The following DGKH variants were observed in gnomAD, a reference collection of about 807,000 sequenced individuals.
DGKH encodes diacylglycerol kinase eta, also known as DAG kinase eta.
Under a neutral mutation model 159.3 loss-of-function variants are expected in DGKH, and 90 were observed. The ratio of observed to expected loss-of-function variants is 0.57; its 90% CI spans 0.48 to 0.67. The LOEUF (loss-of-function observed/expected upper bound fraction) is 0.67. Ranked by LOEUF, DGKH falls within the 30% of genes least tolerant of loss-of-function variation. DGKH has a pLI of 0.00. For missense variants in DGKH, 1,181 were observed against 1,506.1 expected (o/e 0.78, Z 3.57); for synonymous variants, 536 against 553.8 (o/e 0.97, Z 0.45).
At chr13:42,109,565 G>A (rs890695230) in intron 1 of DGKH, among the ~76,000 whole-genome samples, 2 of 152,162 alleles carry the variant, frequency 1.3e-5, no homozygotes, top group African/African-American at 4.8e-5. Flanking sequence ...GGAATAAATG[G>A]AAGACAGGAT....
At chr13:42,132,489 G>A (rs967377647) in intron 3 of DGKH, among the ~76,000 whole-genome samples, 1 of 152,220 alleles carries the variant, frequency 6.6e-6, no homozygotes, top group Non-Finnish European at 1.5e-5. Flanking sequence ...TAGGGTTTTG[G>A]AGTAGGAAAT....
rs1957922625 is a variant in DGKH, at chr13:42,219,889, A to T, written c.3442+95A>T. On this transcript the variant is annotated intron_variant, in intron 28 of 29. Transcript: ENST00000337343. ...GGTCGTGAAAATGTTCTGGAGCTAGATGGTGGTTGAGCATTGTGCAGTATG... is the reference window on the plus strand; with the variant it reads ...GGTCGTGAAAATGTTCTGGAGCTAGTTGGTGGTTGAGCATTGTGCAGTATG... 2.7e-6 allele frequency: 3 copies of T among 1,096,802 alleles called. No homozygotes were observed. In the African/African-American group the frequency reaches 4.7e-5, roughly 17 times the overall value. The allele number at this position is 1,096,802 out of a possible 1,614,324, so 67.9% of individuals were successfully genotyped here. A position where few individuals can be genotyped will look rare whatever the true frequency, so the allele number is the denominator to read the frequency against.
intron 26 of DGKH, among the ~76,000 whole-genome samples, chr13:42,218,357 C>T (rs1957861626): frequency 6.6e-6 from 1 of 152,094 alleles, no homozygotes; most frequent in African/African-American, 2.4e-5. Flanking sequence ...ATTTTTACAA[C>T]AGTTTTTCAT....
chr13:42,076,184 GT>G (rs2137706484), intron 1 of DGKH, among the ~76,000 whole-genome samples: 1 of 152,142 alleles, frequency 6.6e-6, no homozygotes, highest in East Asian at 1.9e-4. Context: ...ACCAACTTAA[GT>G]TTTTAAAAAT....
intron 21 of DGKH, among the ~76,000 whole-genome samples, chr13:42,208,156 A>G (rs1957552761): frequency 6.6e-6 from 1 of 152,216 alleles, no homozygotes; most frequent in Non-Finnish European, 1.5e-5. Context: ...TTCAGGCAGT[A>G]TAATAAAAAA....
At chr13:42,132,011 G>T (rs9533005) in intron 3 of DGKH, among the ~76,000 whole-genome samples, 19,640 of 152,210 alleles carry the variant, frequency 0.13, 1,495 homozygotes, top group South Asian at 0.18. Flanking sequence ...AACTTCACCA[G>T]TCCTACTAGT....
chr13:42,177,986 A>G (rs972034340), intron 12 of DGKH, 149 bp from the exon 13 acceptor site: 2 of 417,340 alleles, frequency 4.8e-6, no homozygotes, highest in South Asian at 2.2e-4. Flanking sequence ...GGAAATATCT[A>G]TTTTGCATGA....
chr13:42,208,294 A>G (rs1957556059), intron 21 of DGKH, among the ~76,000 whole-genome samples: 1 of 152,184 alleles, frequency 6.6e-6, no homozygotes, highest in African/African-American at 2.4e-5. Flanking sequence ...AGAGAGAGTA[A>G]GGTAATACAG....
At position 42,121,650 on chromosome 13, in the gene DGKH, A is replaced by G. The variant is rs114569856; in HGVS notation, c.193-5813A>G. On this transcript the variant is annotated intron_variant, in intron 1 of 29. Coordinates refer to ENST00000337343, the MANE Select transcript of DGKH (RefSeq NM_178009.5). The stretch of plus-strand genomic sequence containing the variant: ...CCTTCCTGTTCATTTTTCTGCAGCT[A>G]TGTCAGGACTCATTCCTTCTCACCA... Among the ~76,000 whole-genome samples, 1,475 of 152,296 alleles carry G rather than the reference A, an allele frequency of 9.7e-3. 19 individuals are homozygous for G. Among genetic ancestry groups the G allele is most frequent in the African/African-American group, 0.034 (1,412 of 41,544 alleles).
At chr13:42,081,380 C>A (rs903427130) in intron 1 of DGKH, among the ~76,000 whole-genome samples, 6 of 152,124 alleles carry the variant, frequency 3.9e-5, no homozygotes, top group Non-Finnish European at 5.9e-5. Flanking sequence ...CAGGTGTGCA[C>A]CACCACGCCT....
intron 11 of DGKH, among the ~76,000 whole-genome samples, chr13:42,171,052 G>T (rs1354090422): frequency 6.6e-6 from 1 of 151,902 alleles, no homozygotes; most frequent in Non-Finnish European, 1.5e-5. Flanking sequence ...TTTGGGTTGG[G>T]TCAGAAAAGC....
chr13:42,080,041 C>T (rs1467399284), intron 1 of DGKH, among the ~76,000 whole-genome samples: 10 of 152,162 alleles, frequency 6.6e-5, no homozygotes, highest in Non-Finnish European at 1.5e-4. Flanking sequence ...GATTTTCTCA[C>T]GTTGCTTTTT....
At chr13:42,184,129 A>G (rs1956845465) in intron 13 of DGKH, among the ~76,000 whole-genome samples, 1 of 152,196 alleles carries the variant, frequency 6.6e-6, no homozygotes, top group Non-Finnish European at 1.5e-5. Context: ...TCAGAGCACA[A>G]AGACAGCTAG....
At chr13:42,127,322 G>A (rs1357625285) in intron 1 of DGKH, 141 bp from the exon 2 acceptor site, 18 of 659,898 alleles carry the variant, frequency 2.7e-5, no homozygotes, top group Non-Finnish European at 4.7e-5. Context: ...AAGCTGTGGT[G>A]AGAGTAAAAT....
intron 16 of DGKH, among the ~76,000 whole-genome samples, chr13:42,191,153 T>G (rs1404298649): frequency 6.6e-6 from 1 of 152,212 alleles, no homozygotes. Flanking sequence ...GAAAATGAAT[T>G]TATACTTTTA....
intron 1 of DGKH, among the ~76,000 whole-genome samples, chr13:42,116,359 T>G (rs17519522): frequency 0.093 from 14,206 of 152,064 alleles, 866 homozygotes; most frequent in Non-Finnish European, 0.14. Context: ...AAATGTAGAG[T>G]GTTGAAATCT....
At chr13:42,255,463 T>C (rs1958650909) in intron 30 of DGKH, among the ~76,000 whole-genome samples, 1 of 152,140 alleles carries the variant, frequency 6.6e-6, no homozygotes, top group Non-Finnish European at 1.5e-5. Flanking sequence ...CCCTAATCTG[T>C]TTGAGTGTTC....
At chr13:42,160,964 A>G (rs1566144461) in intron 7 of DGKH, among the ~76,000 whole-genome samples, 1 of 152,176 alleles carries the variant, frequency 6.6e-6, no homozygotes. Flanking sequence ...AAGTCCTACA[A>G]CTTTTTAGTT....
At chr13:42,254,828 G>T (rs534942841) in intron 30 of DGKH, among the ~76,000 whole-genome samples, 2 of 152,174 alleles carry the variant, frequency 1.3e-5, no homozygotes, top group Admixed American at 1.3e-4. Flanking sequence ...AATGTTTCGT[G>T]ATGATTTCTA....
Sources: allele counts gnomAD v4.1 joint callset (sites outside exome capture counted in the v4.1 genomes callset), GRCh38; gene constraint gnomAD v4.1.1; transcripts MANE v1.5; gene names NCBI Gene and HGNC (gene_info 2026-07-23, HGNC 2026-07-21).